Variants in TMC1 observed in about 807,000 individuals in gnomAD.
The protein encoded by TMC1 is transmembrane channel-like protein 1.
A neutral mutation model predicts 105.8 loss-of-function variants in TMC1; 84 were observed. The ratio of observed to expected loss-of-function variants is 0.79; its 90% CI spans 0.67 to 0.95. The LOEUF (loss-of-function observed/expected upper bound fraction) is 0.95, where lower values mean the gene tolerates loss of function less well. Among genes scored for constraint, TMC1 ranks in the 40% least tolerant of loss-of-function variants. TMC1 has a pLI of 0.00. For missense variants in TMC1, 817 were observed against 914.1 expected, an observed-to-expected ratio of 0.89 and a Z score of 1.37; for synonymous variants, 315 against 311.5, an observed-to-expected ratio of 1.01 and a Z score of -0.12.
intron 6 of TMC1, 132 bp downstream of exon 6, chr9:72,688,888 A>G (rs1252844235): frequency 1.3e-6 from 1 of 794,830 alleles, no homozygotes; most frequent in Non-Finnish European, 2.1e-6. Flanking sequence ...ATGGTCTCAC[A>G]GGAGGAATCA....
chr9:72,682,668 T>C (rs1348166340), intron 5 of TMC1, among the ~76,000 whole-genome samples: 3 of 152,240 alleles, frequency 2.0e-5, no homozygotes, highest in Admixed American at 6.5e-5. Flanking sequence ...TTCAGTTTTG[T>C]ATGCAGTAGC....
At chr9:72,696,142 T>A (rs1402374989) in intron 7 of TMC1, among the ~76,000 whole-genome samples, 1 of 152,176 alleles carries the variant, frequency 6.6e-6, no homozygotes, top group Non-Finnish European at 1.5e-5. Flanking sequence ...TTTAAAAAGA[T>A]GAGTTGGACA....
chr9:72,596,692 A>G (rs1228454577), intron 2 of TMC1, among the ~76,000 whole-genome samples: 1 of 152,218 alleles, frequency 6.6e-6, no homozygotes, highest in Non-Finnish European at 1.5e-5. Context: ...TTCTTCGTGA[A>G]AACCAAGAGT....
intron 4 of TMC1, among the ~76,000 whole-genome samples, chr9:72,638,774 G>A (rs1004036456): frequency 6.6e-6 from 1 of 152,170 alleles, no homozygotes; most frequent in African/African-American, 2.4e-5. Flanking sequence ...GAGCTACTAT[G>A]TGTTAGATTT....
intron 1 of TMC1, among the ~76,000 whole-genome samples, chr9:72,574,148 A>G (rs182780190): frequency 1.3e-5 from 2 of 152,334 alleles, no homozygotes; most frequent in African/African-American, 4.8e-5. Flanking sequence ...ACTTTTTGCT[A>G]TTCTGATTAG....
intron 2 of TMC1, among the ~76,000 whole-genome samples, chr9:72,603,111 CAAG>C (rs948555210): frequency 3.3e-5 from 5 of 152,086 alleles, no homozygotes; most frequent in Non-Finnish European, 5.9e-5. Context: ...TCTTGGGAAA[CAAG>C]AATACCATCC....
At chr9:72,540,477 C>T (rs997309439) in intron 1 of TMC1, among the ~76,000 whole-genome samples, 5 of 149,614 alleles carry the variant, frequency 3.3e-5, no homozygotes, top group African/African-American at 1.2e-4. Context: ...GGAAATTCCT[C>T]ATCTTTGACT....
At chr9:72,757,473 T>C (rs1426997074) in intron 12 of TMC1, among the ~76,000 whole-genome samples, 2 of 152,202 alleles carry the variant, frequency 1.3e-5, no homozygotes, top group Non-Finnish European at 2.9e-5. Flanking sequence ...TTATCCAAAA[T>C]GCTTGAGACC....
At chr9:72,606,994 T>TAGAGAG (rs1406616090) in intron 2 of TMC1, among the ~76,000 whole-genome samples, 248 of 87,612 alleles carry the variant, frequency 2.8e-3, no homozygotes, top group Admixed American at 7.6e-3. Flanking sequence ...TATATATATA[T>TAGAGAG]ATATATATAG....
chr9:72,820,729 G>GC (rs1340999080), intron 19 of TMC1, 113 bp from the exon 20 acceptor site: 1 of 1,290,060 alleles, frequency 7.8e-7, no homozygotes, highest in Admixed American at 1.7e-5. Flanking sequence ...GTTGAAAGTG[G>GC]CAGTGTATTT....
intron 8 of TMC1, 147 bp from the exon 9 acceptor site, chr9:72,739,972 G>T: frequency 1.6e-6 from 1 of 622,086 alleles, no homozygotes. Flanking sequence ...AAAATTTCTA[G>T]GTTATGAAAT....
intron 2 of TMC1, among the ~76,000 whole-genome samples, chr9:72,585,022 T>C (rs1030371045): frequency 6.6e-6 from 1 of 151,960 alleles, no homozygotes; most frequent in Non-Finnish European, 1.5e-5. Flanking sequence ...TGACCTCAAG[T>C]GATCTGCACA....
At chr9:72,632,742 TC>T (rs1251381530) in intron 4 of TMC1, among the ~76,000 whole-genome samples, 1 of 152,140 alleles carries the variant, frequency 6.6e-6, no homozygotes, top group African/African-American at 2.4e-5. Flanking sequence ...GCAATAACAT[TC>T]TTTAAACTAT....
At chr9:72,572,275 C>T (rs7861502) in intron 1 of TMC1, among the ~76,000 whole-genome samples, 21,133 of 151,950 alleles carry the variant, frequency 0.14, 2,069 homozygotes, top group African/African-American at 0.26. Context: ...CGGCTCACTG[C>T]ATCCCCTGCC....
chr9:72,698,837 G>A (rs1221901999), intron 7 of TMC1, among the ~76,000 whole-genome samples: 2 of 152,098 alleles, frequency 1.3e-5, no homozygotes, highest in Admixed American at 1.3e-4. Context: ...TGCTAGTGTT[G>A]GTAATATTGG....
At position 72,763,273 on chromosome 9, in the gene TMC1, T is replaced by A. The variant is rs1827784510; in HGVS notation, c.741+8389T>A. Among the ~76,000 whole-genome samples, 3 of 152,160 alleles carry A rather than the reference T, an allele frequency of 2.0e-5. No individual in the cohort carries two copies. The South Asian group carries it at 6.2e-4, about 32-fold the overall frequency. Reference sequence around the variant, plus strand: ...TTGGAAGTGACCATAGAAATGAGTCTTCTTTTCATTAACATAGTAAACATT... The same window carrying A: ...TTGGAAGTGACCATAGAAATGAGTCATCTTTTCATTAACATAGTAAACATT... On this transcript the variant is annotated intron_variant, in intron 12 of 23. Transcript: ENST00000297784.
At chr9:72,561,153 C>G (rs1357280158) in intron 1 of TMC1, among the ~76,000 whole-genome samples, 2 of 151,640 alleles carry the variant, frequency 1.3e-5, no homozygotes, top group East Asian at 3.9e-4. Context: ...AACCCCATCT[C>G]TACTAAAAAT....
At position 72,740,180 on chromosome 9, in the gene TMC1, T is replaced by G; in HGVS notation, c.424T>G (p.Trp142Gly). The G allele has an allele frequency of 1.2e-6, 2 of 1,613,596 alleles. No individual in the cohort carries two copies. The highest frequency in any genetic ancestry group is 1.7e-6 in the Non-Finnish European group (2 of 1,179,706). ...TCTTGGGAAAGGAAAAGGAAAACGG[T>G]GGTTTGCATTTAAGATGATGATGGC... ...GALGKGKGKRWFAFKMMMAKK... is the reference protein window; with the variant it reads ...GALGKGKGKRGFAFKMMMAKK... The change falls in exon 9 of 24, where the codon TGG (tryptophan) becomes GGG (glycine). Residue 142 changes from tryptophan (W) to glycine (G), a missense_variant. Coordinates refer to ENST00000297784, the MANE Select transcript of TMC1 (RefSeq NM_138691.3).
At position 72,792,392 on chromosome 9, in the gene TMC1, A is replaced by T. The variant is rs200794434; in HGVS notation, c.1566+40A>T. On this transcript the variant is annotated intron_variant, in intron 17 of 23. Transcript: ENST00000297784. ...AGAAGTGTATGGCAATTAGTAGATT[A>T]AAAAAAGAGAGTCAATATCTCTTCC... The T allele has an allele frequency of 2.5e-4, 395 of 1,611,036 alleles. 3 individuals are homozygous for T. The East Asian group carries it at 8.2e-3, about 34-fold the overall frequency.
Sources: allele counts gnomAD v4.1 joint callset (sites outside exome capture counted in the v4.1 genomes callset), GRCh38; gene constraint gnomAD v4.1.1; transcripts MANE v1.5; gene names NCBI Gene and HGNC (gene_info 2026-07-23, HGNC 2026-07-21).